SHPRH: variants seen among roughly 807,000 people sequenced by gnomAD.
The protein encoded by SHPRH is SNF2 histone linker PHD RING helicase.
A neutral mutation model predicts 202.5 loss-of-function variants in SHPRH; 106 were observed. The observed-to-expected ratio is 0.52, with a 90% CI of 0.45 to 0.62. The LOEUF is 0.62. SHPRH is among the 20% of genes least tolerant of loss of function. The probability of loss-of-function intolerance (pLI) is 0.00; values close to 1 mark genes in which losing one functional copy is unlikely to be tolerated. For synonymous variants in SHPRH, 729 were observed against 686.0 expected, an observed-to-expected ratio of 1.06 and a Z score of -0.98; for missense variants, 1,710 against 2,020.0, an observed-to-expected ratio of 0.85 and a Z score of 2.94.
chr6:145,872,642 G>C (rs1780106898), intron 2 of SHPRH, among the ~76,000 whole-genome samples: 1 of 152,098 alleles, frequency 6.6e-6, no homozygotes, highest in South Asian at 2.1e-4. Flanking sequence ...ATTCTTCAAA[G>C]ACAAAGAGGC....
chr6:145,863,631 A>G (rs969556350), downstream of SHPRH, among the ~76,000 whole-genome samples: 1 of 152,220 alleles, frequency 6.6e-6, no homozygotes, highest in Admixed American at 6.5e-5. Flanking sequence ...CAGAGTTTTT[A>G]GGGGAGAGTG....
chr6:145,903,332 A>G (rs1782664719), intron 25 of SHPRH: 1 of 150,488 alleles, frequency 6.6e-6, no homozygotes, highest in African/African-American at 2.4e-5. Flanking sequence ...TAAATGAACA[A>G]AAATTCAAAT....
At chr6:145,945,197 T>C (rs1219208697) in intron 8 of SHPRH, among the ~76,000 whole-genome samples, 184 bp downstream of exon 8, 3 of 152,204 alleles carry the variant, frequency 2.0e-5, no homozygotes, top group Non-Finnish European at 4.4e-5. Flanking sequence ...ATAGCCAAAG[T>C]AAAGTTACTC....
At chr6:145,867,314 G>A (rs1330546442) in intron 2 of SHPRH, among the ~76,000 whole-genome samples, 1 of 151,844 alleles carries the variant, frequency 6.6e-6, no homozygotes, top group Non-Finnish European at 1.5e-5. Context: ...GTAGTAGACT[G>A]ATTAATGACC....
intron 20 of SHPRH, 66 bp from the exon 21 acceptor site, chr6:145,921,458 G>T: frequency 6.9e-7 from 1 of 1,439,496 alleles, no homozygotes; most frequent in Non-Finnish European, 9.7e-7. Flanking sequence ...CCTTCAATGT[G>T]AGTTCTAAAA....
At chr6:145,896,372 T>C (rs971187449) in intron 25 of SHPRH, among the ~76,000 whole-genome samples, 8 of 152,090 alleles carry the variant, frequency 5.3e-5, no homozygotes, top group Non-Finnish European at 1.2e-4. Flanking sequence ...TGCAAGGTCT[T>C]ACTTTTAAAA....
intron 28 of SHPRH, among the ~76,000 whole-genome samples, chr6:145,888,916 T>C (rs747205086): frequency 2.0e-5 from 3 of 152,104 alleles, no homozygotes; most frequent in East Asian, 1.9e-4. Flanking sequence ...AAGAAAAATA[T>C]AGAAGAGTCC....
Position 145,941,744 on chromosome 6 carries a change from T to A in SHPRH, c.2369A>T (p.Glu790Val), listed in dbSNP as rs757427709. ...CTGGTTCCGTAGGCGACGCCCATCCTCACTATTGCTATGTGGGATATCGAC... is the reference window on the plus strand; with the variant it reads ...CTGGTTCCGTAGGCGACGCCCATCCACACTATTGCTATGTGGGATATCGAC... ...NYVDIPHSNSEDGRRLRNQKR... is the reference protein window; with the variant it reads ...NYVDIPHSNSVDGRRLRNQKR... Residue 790 changes from glutamate to valine, a missense_variant, in exon 10 of 30, where the codon GAG (glutamate) becomes GTG (valine). Physicochemically the swap from Glu to Val is moderately radical, Grantham distance 121 (BLOSUM62 -2). Around this residue, in one of 8 missense-constraint regions of SHPRH, gnomAD observed 277 missense variants for 363.0 expected, o/e 0.76. Transcript: ENST00000275233. 6.2e-7 allele frequency: 1 copy of A among 1,614,058 alleles called. No individual in the cohort carries two copies. Among genetic ancestry groups the A allele is most frequent in the East Asian group, 2.2e-5 (1 of 44,874 alleles).
intron 2 of SHPRH, among the ~76,000 whole-genome samples, chr6:145,873,662 G>GGTTTTAGTGTC (rs1364955594): frequency 7.6e-6 from 1 of 131,986 alleles, no homozygotes; most frequent in East Asian, 2.5e-4. Flanking sequence ...CAATGATGAT[G>GGTTTTAGTGTC]TCAGTTTTAG....
chr6:145,930,259 A>C (rs1272261014), intron 14 of SHPRH, among the ~76,000 whole-genome samples: 1 of 152,168 alleles, frequency 6.6e-6, no homozygotes, highest in Non-Finnish European at 1.5e-5. Context: ...TATATTCTAC[A>C]AAAAGCACAC....
At position 145,940,803 on chromosome 6, in the gene SHPRH, T is replaced by C. The variant is rs1176568869; in HGVS notation, c.2491-2A>G. 6.2e-7 allele frequency: 1 copy of C among 1,613,432 alleles called. No homozygotes were observed. Among genetic ancestry groups the C allele is most frequent in the East Asian group, 2.2e-5 (1 of 44,838 alleles). On this transcript the variant is annotated splice_acceptor_variant, in intron 10 of 29. Coordinates refer to ENST00000275233, the MANE Select transcript of SHPRH (RefSeq NM_001042683.3). LOFTEE classifies it high-confidence loss of function. Reference sequence around the variant, plus strand: ...CAAACGCTGGGCCATTTCTGCAGCCTGATGAGAGGGAAAAATGAAATAAAA... The same window carrying C: ...CAAACGCTGGGCCATTTCTGCAGCCCGATGAGAGGGAAAAATGAAATAAAA...
chr6:145,942,000 T>C, intron 9 of SHPRH, 126 bp from the exon 10 acceptor site: 1 of 1,110,818 alleles, frequency 9.0e-7, no homozygotes, highest in Admixed American at 2.6e-5. Flanking sequence ...ATGAGACAGA[T>C]CCCATACCTG....
At chr6:145,867,168 A>C (rs768798476) in intron 2 of SHPRH, among the ~76,000 whole-genome samples, 3 of 151,720 alleles carry the variant, frequency 2.0e-5, no homozygotes, top group Non-Finnish European at 4.4e-5. Flanking sequence ...TCACTTTTCT[A>C]CTCTTCGTCA....
chr6:145,941,106 TC>T (rs952781440), intron 10 of SHPRH, among the ~76,000 whole-genome samples: 2 of 152,132 alleles, frequency 1.3e-5, no homozygotes, highest in Admixed American at 6.5e-5. Flanking sequence ...CACTCTATCC[TC>T]CAGATATACT....
chr6:145,879,480 A>T (rs1780454199), intron 2 of SHPRH, among the ~76,000 whole-genome samples: 1 of 152,204 alleles, frequency 6.6e-6, no homozygotes, highest in Non-Finnish European at 1.5e-5. Flanking sequence ...CACTTAAAAA[A>T]ATTCTTTCCT....
chr6:145,928,891 T>C (rs1048616325), intron 14 of SHPRH, among the ~76,000 whole-genome samples: 25 of 152,014 alleles, frequency 1.6e-4, no homozygotes, highest in Non-Finnish European at 3.2e-4. Context: ...CTTTATAACG[T>C]AGGCATTAAC....
rs188637657 is a variant in SHPRH, at chr6:145,934,463, T to C, written c.2990+444A>G. 3.8e-3 allele frequency among the ~76,000 whole-genome samples: 208 copies of C among 54,074 alleles called. 4 individuals carry two copies. Among genetic ancestry groups the C allele is most frequent in the East Asian group, 1.1e-3 (2 of 1,774 alleles). 35.5% of individuals were successfully genotyped at this position (54,074 alleles called of 152,430 possible). A position where few individuals can be genotyped will look rare whatever the true frequency, so the allele number is the denominator to read the frequency against. ...CCTGGGCAACAAGAGCGAAACTCCA[T>C]CTCAAAAAATAAATAAAATAAAATA... On this transcript the variant is annotated intron_variant, in intron 13 of 29. Transcript: ENST00000275233.
chr6:145,876,238 C>T (rs919943304), intron 2 of SHPRH, among the ~76,000 whole-genome samples: 2 of 150,640 alleles, frequency 1.3e-5, no homozygotes, highest in East Asian at 2.0e-4. Context: ...TGAGGAGTGG[C>T]GGTGTACACC....
chr6:145,951,697 A>G (rs1787994825), intron 3 of SHPRH: 4 of 436,714 alleles, frequency 9.2e-6, no homozygotes, highest in Admixed American at 4.8e-5. Context: ...CAAAGAATGT[A>G]CTAGAGAAAT....
Sources: gnomAD v4.1 joint callset for allele counts (sites outside exome capture counted in the v4.1 genomes callset) on GRCh38, gnomAD v4.1.1 for gene constraint, gnomAD v4.1.1 regional missense constraint, MANE v1.5 for transcripts, NCBI Gene and HGNC (gene_info 2026-07-23, HGNC 2026-07-21) for gene names.